The following TENM4 variants were observed in gnomAD, a reference collection of about 807,000 sequenced individuals.
TENM4 encodes teneurin-4.
In TENM4, 82 loss-of-function variants were observed where a neutral mutation model predicts 243.3. The ratio of observed to expected loss-of-function variants is 0.34; its 90% CI spans 0.28 to 0.40. The LOEUF is 0.40. TENM4 is among the 10% of genes least tolerant of loss of function. The pLI is 1.00. For synonymous variants in TENM4, 1,412 were observed against 1,456.3 expected, an observed-to-expected ratio of 0.97 and a Z score of 0.69; for missense variants, 3,138 against 3,673.3, an observed-to-expected ratio of 0.85 and a Z score of 3.77.
intron 2 of TENM4, among the ~76,000 whole-genome samples, chr11:79,242,429 C>T (rs961454974): frequency 1.3e-5 from 2 of 152,118 alleles, no homozygotes; most frequent in African/African-American, 4.8e-5. Flanking sequence ...GAAAAATCAT[C>T]CGCAATCCTA....
At chr11:78,840,753 C>T (rs1313947151) in intron 12 of TENM4, among the ~76,000 whole-genome samples, 3 of 152,092 alleles carry the variant, frequency 2.0e-5, no homozygotes, top group East Asian at 1.9e-4. Flanking sequence ...AAAGGAAACA[C>T]GGGGGTACTA....
intron 9 of TENM4, among the ~76,000 whole-genome samples, chr11:78,879,402 G>A (rs896223200): frequency 2.8e-5 from 3 of 108,480 alleles, no homozygotes; most frequent in African/African-American, 3.3e-5. Flanking sequence ...CTGTCTGGGA[G>A]GTGGGGAGTG....
intron 33 of TENM4, among the ~76,000 whole-genome samples, chr11:78,660,860 T>C (rs1189768115): frequency 6.6e-6 from 1 of 152,122 alleles, no homozygotes; most frequent in African/African-American, 2.4e-5. Flanking sequence ...TTCTGAGTCT[T>C]TGAAATTGGG....
chr11:79,305,150 G>T (rs898292124), intron 1 of TENM4, among the ~76,000 whole-genome samples: 1 of 152,232 alleles, frequency 6.6e-6, no homozygotes, highest in Admixed American at 6.5e-5. Context: ...AGAGTGAAAA[G>T]AGCATGGGCC....
intron 5 of TENM4, among the ~76,000 whole-genome samples, chr11:79,066,429 G>A (rs2136991882): frequency 6.6e-6 from 1 of 151,798 alleles, no homozygotes. Context: ...TATTATAATG[G>A]TGTGTCTCAC....
intron 6 of TENM4, among the ~76,000 whole-genome samples, chr11:78,986,892 C>T (rs770959969): frequency 2.0e-5 from 3 of 152,108 alleles, no homozygotes; most frequent in Non-Finnish European, 4.4e-5. Flanking sequence ...TCATTTTCAT[C>T]GTAAGCAAAT....
intron 1 of TENM4, among the ~76,000 whole-genome samples, chr11:79,366,997 C>A (rs983679361): frequency 3.3e-5 from 5 of 152,158 alleles, no homozygotes; most frequent in African/African-American, 1.2e-4. Flanking sequence ...AATAATAATA[C>A]AATAGGTATC....
intron 12 of TENM4, among the ~76,000 whole-genome samples, chr11:78,814,949 C>T (rs1857573291): frequency 6.6e-6 from 1 of 152,228 alleles, no homozygotes; most frequent in Admixed American, 6.5e-5. Context: ...TTCCCTCTTG[C>T]TCCTCACCTT....
chr11:78,698,404 A>AAACC (rs375751143), intron 28 of TENM4, among the ~76,000 whole-genome samples: 319 of 151,876 alleles, frequency 2.1e-3, no homozygotes, highest in Admixed American at 4.5e-3. Context: ...AAACCGAACC[A>AAACC]AACCAACCAA....
intron 4 of TENM4, among the ~76,000 whole-genome samples, chr11:79,129,423 G>A (rs1040573196): frequency 2.1e-4 from 32 of 152,174 alleles, no homozygotes; most frequent in African/African-American, 4.6e-4. Flanking sequence ...CTCCACAGGC[G>A]GAGGAAGAAC....
At chr11:79,304,479 A>T (rs1313091385) in intron 1 of TENM4, among the ~76,000 whole-genome samples, 1 of 152,178 alleles carries the variant, frequency 6.6e-6, no homozygotes, top group African/African-American at 2.4e-5. Context: ...ATCATTAATT[A>T]TCAGGCCTTG....
At chr11:79,264,822 A>G (rs936646143) in intron 2 of TENM4, among the ~76,000 whole-genome samples, 3 of 152,212 alleles carry the variant, frequency 2.0e-5, no homozygotes, top group Non-Finnish European at 4.4e-5. Context: ...GTGATTCTAG[A>G]ACATAAGCAG....
intron 9 of TENM4, among the ~76,000 whole-genome samples, chr11:78,889,380 C>T (rs1031419296): frequency 2.6e-5 from 4 of 152,216 alleles, no homozygotes; most frequent in African/African-American, 9.6e-5. Flanking sequence ...TCACTGCAGC[C>T]ACACAGTCCC....
chr11:79,177,451 T>C (rs1264743138), intron 3 of TENM4, among the ~76,000 whole-genome samples: 2 of 151,934 alleles, frequency 1.3e-5, no homozygotes, highest in African/African-American at 2.4e-5. Flanking sequence ...CCCTCCATAT[T>C]TGAAGCCTCT....
Position 79,177,778 on chromosome 11 carries a change from G to A in TENM4, c.-162-28972C>T, listed in dbSNP as rs568228610. 3.3e-5 allele frequency among the ~76,000 whole-genome samples: 5 copies of A among 152,296 alleles called. No individual in the cohort carries two copies. In the South Asian group the frequency reaches 1.0e-3, roughly 32 times the overall value. On this transcript the variant is annotated intron_variant, in intron 3 of 33. Transcript: ENST00000278550. ...GGCACGTAGGAGGGGCAGCAAGGAG[G>A]CAGGTGTGGCTAGACAAAGGTGACC... is the stretch of plus-strand genomic sequence containing the variant.
rs1312745124 is a variant in TENM4, at chr11:78,863,106, G to T, written c.1111C>A (p.His371Asn). Residue 371 changes from histidine (H) to asparagine (N), a missense_variant, in exon 10 of 34, where the codon CAC (histidine) becomes AAC (asparagine). Around this residue, in one of 2 missense-constraint regions of TENM4, gnomAD observed 671 missense variants for 614.1 expected, o/e 1.09. Coordinates refer to ENST00000278550, the MANE Select transcript of TENM4 (RefSeq NM_001098816.3). ...VAMHLFGLNW[H>N]LQPMEGQMYE... ...ATCTGCCCCTCCATCGGCTGCAGGT[G>T]CCAGTTTAGGCCAAACAGGTGCATG... 1 of 1,524,358 alleles carries T rather than the reference G, an allele frequency of 6.6e-7. No homozygotes were observed. The highest frequency in any genetic ancestry group is 2.0e-5 in the Admixed American group (1 of 50,136). 94.4% of individuals were successfully genotyped at this position (1,524,358 alleles called of 1,614,324 possible). A position where few individuals can be genotyped will look rare whatever the true frequency, so the allele number is the denominator to read the frequency against.
intron 3 of TENM4, among the ~76,000 whole-genome samples, chr11:79,176,643 A>T (rs1863164027): frequency 1.3e-5 from 2 of 152,178 alleles, no homozygotes; most frequent in African/African-American, 4.8e-5. Context: ...TCCTTTTCCA[A>T]AGGACTCAGT....
chr11:79,099,260 GA>G lies in TENM4; in HGVS notation c.-65-29252del, dbSNP rs562589750. On this transcript the variant is annotated intron_variant, in intron 4 of 33. Coordinates refer to ENST00000278550, the MANE Select transcript of TENM4 (RefSeq NM_001098816.3). ...TGCTGCTGGGATTTCCTTCTGTGGG[GA>G]TCTAGCCCCAGTGCCTTTGCTCCAG... Among the ~76,000 whole-genome samples, 424 of 152,198 alleles carry G rather than the reference GA, an allele frequency of 2.8e-3. 1 individual carries two copies. The highest frequency in any genetic ancestry group is 5.1e-3 in the Non-Finnish European group (347 of 68,016).
chr11:79,349,953 G>A (rs147927609), intron 1 of TENM4, among the ~76,000 whole-genome samples: 1,532 of 152,246 alleles, frequency 0.01, 14 homozygotes, highest in Middle Eastern at 0.024. Context: ...ACCGGAGGAC[G>A]AGGAGAGTGC....
Sources: allele counts gnomAD v4.1 joint callset (sites outside exome capture counted in the v4.1 genomes callset), GRCh38; gene constraint gnomAD v4.1.1; regional missense constraint gnomAD v4.1.1; transcripts MANE v1.5; gene names NCBI Gene and HGNC (gene_info 2026-07-23, HGNC 2026-07-21).